NME7: variants seen among roughly 807,000 people sequenced by gnomAD.
NME7 encodes the protein nucleoside diphosphate kinase 7.
A neutral mutation model predicts 49.1 loss-of-function variants in NME7; 41 were observed. That is an observed-to-expected ratio of 0.83 (90% CI 0.65 to 1.08). The LOEUF is 1.08. NME7 is among the 50% of genes least tolerant of loss of function. The pLI is 0.00. For missense variants in NME7, 423 were observed against 463.4 expected (o/e 0.91, Z 0.80); for synonymous variants, 139 against 150.6 (o/e 0.92, Z 0.56).
At chr1:169,195,312 AG>A (rs1660346799) in intron 10 of NME7, among the ~76,000 whole-genome samples, 1 of 152,184 alleles carries the variant, frequency 6.6e-6, no homozygotes, top group Non-Finnish European at 1.5e-5. Context: ...CCTGAGCTCA[AG>A]GGATCCTCCC....
chr1:169,311,574 A>G (rs958051532), intron 3 of NME7, among the ~76,000 whole-genome samples: 1 of 152,170 alleles, frequency 6.6e-6, no homozygotes, highest in Non-Finnish European at 1.5e-5. Context: ...AAAGCAGATG[A>G]GTCAGTTATA....
intron 3 of NME7, among the ~76,000 whole-genome samples, chr1:169,317,091 C>T (rs1651660039): frequency 1.3e-5 from 2 of 151,476 alleles, no homozygotes; most frequent in East Asian, 1.9e-4. Flanking sequence ...TTAACTTTAC[C>T]AATGAAAATA....
Position 169,169,890 on chromosome 1 carries a change from T to TA in NME7, c.991-337dup, listed in dbSNP as rs920490696. Among the ~76,000 whole-genome samples, 4 of 152,242 alleles carry TA rather than the reference T, an allele frequency of 2.6e-5. No homozygotes were observed. In the South Asian group the frequency reaches 6.2e-4, roughly 24 times the overall value. On this transcript the variant is annotated intron_variant, in intron 10 of 11. Transcript: ENST00000367811. ...TGATGCTATTGATTTCAAAAGCTTT[T>TA]AAAAAAATGTTAGCTGTATCAACTT...
chr1:169,326,045 A>C (rs1311848722), intron 1 of NME7, among the ~76,000 whole-genome samples: 1 of 152,046 alleles, frequency 6.6e-6, no homozygotes, highest in African/African-American at 2.4e-5. Context: ...CCATAATAAA[A>C]TATTTATTTA....
In NME7 at chr1:169,256,725, T is replaced by G. The variant is rs568341098; in HGVS notation, c.755-19038A>C. ...TACTTTTGGTCTTTGATGATGGTGA[T>G]GTACAGATGGGTTTTTGGTGTGGAT... On this transcript the variant is annotated intron_variant, in intron 7 of 11. Transcript: ENST00000367811. 9.6e-5 allele frequency among the ~76,000 whole-genome samples: 12 copies of G among 124,834 alleles called. 1 individual carries two copies. The East Asian group carries it at 2.6e-3, about 27-fold the overall frequency. The allele number at this position is 124,834 out of a possible 152,430, so 81.9% of individuals were successfully genotyped here. A position where few individuals can be genotyped will look rare whatever the true frequency, so the allele number is the denominator to read the frequency against.
At chr1:169,233,025 TCTCACGC>T (rs1647707206) in intron 9 of NME7, among the ~76,000 whole-genome samples, 1 of 150,878 alleles carries the variant, frequency 6.6e-6, no homozygotes, top group Admixed American at 6.6e-5. Flanking sequence ...TTCAAGCTAT[TCTCACGC>T]CTCAGCCTCC....
intron 11 of NME7, among the ~76,000 whole-genome samples, chr1:169,150,977 ATAT>A (rs146626385): frequency 0.015 from 2,249 of 152,302 alleles, 58 homozygotes; most frequent in African/African-American, 0.051. Context: ...GTGTCACAAA[ATAT>A]TATTCTACTT....
intron 11 of NME7, among the ~76,000 whole-genome samples, chr1:169,155,816 C>T (rs1419785517): frequency 6.8e-6 from 1 of 147,204 alleles, no homozygotes; most frequent in African/African-American, 2.5e-5. Context: ...AATCTGACAA[C>T]AGCTTGACAA....
chr1:169,236,440 C>T (rs930438707), intron 8 of NME7, among the ~76,000 whole-genome samples: 1 of 152,110 alleles, frequency 6.6e-6, no homozygotes, highest in African/African-American at 2.4e-5. Flanking sequence ...CTCAATTAAT[C>T]ATTTTTAAAA....
intron 10 of NME7, among the ~76,000 whole-genome samples, chr1:169,223,195 A>G (rs1188412357): frequency 6.6e-6 from 1 of 152,198 alleles, no homozygotes; most frequent in Admixed American, 6.5e-5. Context: ...TGGCAGGAAT[A>G]TCACAGAAAT....
intron 10 of NME7, among the ~76,000 whole-genome samples, chr1:169,198,908 TTTC>T (rs1409720569): frequency 3.9e-5 from 6 of 152,150 alleles, no homozygotes; most frequent in Admixed American, 2.0e-4. Flanking sequence ...ACACAAAGAT[TTTC>T]TTATTTTCCT....
chr1:169,290,074 T>C (rs1358272977), intron 6 of NME7, among the ~76,000 whole-genome samples: 1 of 152,094 alleles, frequency 6.6e-6, no homozygotes, highest in Non-Finnish European at 1.5e-5. Context: ...GCTTTAGGTA[T>C]ATAATTTTTA....
intron 7 of NME7, among the ~76,000 whole-genome samples, chr1:169,278,370 G>A (rs998440050): frequency 2.0e-5 from 3 of 152,078 alleles, no homozygotes; most frequent in African/African-American, 7.2e-5. Context: ...ATATTTCTTG[G>A]AGGCTTTGTT....
intron 11 of NME7, among the ~76,000 whole-genome samples, chr1:169,157,335 C>T (rs1170923533): frequency 6.6e-6 from 1 of 152,190 alleles, no homozygotes; most frequent in Non-Finnish European, 1.5e-5. Flanking sequence ...AAGGCACTTA[C>T]ACAACCCACA....
At chr1:169,348,896 C>CA (rs34701797) in intron 1 of NME7, among the ~76,000 whole-genome samples, 95,998 of 147,332 alleles carry the variant, frequency 0.65, 32,362 homozygotes, top group East Asian at 0.97. Context: ...AGAGTTAACT[C>CA]AAAAAAAAAA....
intron 7 of NME7, among the ~76,000 whole-genome samples, chr1:169,241,561 C>A (rs1648088908): frequency 6.6e-6 from 1 of 151,750 alleles, no homozygotes. Flanking sequence ...TAATCTATAT[C>A]TATTACAAAT....
chr1:169,336,461 T>A (rs2101954877), intron 1 of NME7, among the ~76,000 whole-genome samples: 1 of 152,214 alleles, frequency 6.6e-6, no homozygotes, highest in South Asian at 2.1e-4. Flanking sequence ...GTGTTTACAA[T>A]CCCTGAGCTA....
At chr1:169,245,997 C>CA (rs1194602870) in intron 7 of NME7, among the ~76,000 whole-genome samples, 1 of 152,154 alleles carries the variant, frequency 6.6e-6, no homozygotes, top group South Asian at 2.1e-4. Context: ...TGGAAGCACT[C>CA]AGATTGGTTT....
intron 10 of NME7, among the ~76,000 whole-genome samples, chr1:169,172,261 A>G (rs1659617920): frequency 6.6e-6 from 1 of 151,082 alleles, no homozygotes; most frequent in Non-Finnish European, 1.5e-5. Flanking sequence ...TTTGAAGTTT[A>G]TGGCCTGTAA....
Sources: gnomAD v4.1 joint callset for allele counts (sites outside exome capture counted in the v4.1 genomes callset) on GRCh38, gnomAD v4.1.1 for gene constraint, MANE v1.5 for transcripts, NCBI Gene and HGNC (gene_info 2026-07-23, HGNC 2026-07-21) for gene names.